The following LRRC8B variants were observed in gnomAD, a reference collection of about 807,000 sequenced individuals.
The protein encoded by LRRC8B is leucine rich repeat containing 8 VRAC subunit B.
In LRRC8B, 23 loss-of-function variants were observed where a neutral mutation model predicts 58.8. That is an observed-to-expected ratio of 0.39 (90% CI 0.28 to 0.55). The LOEUF is 0.55. LRRC8B is among the 20% of genes least tolerant of loss of function. The pLI, the probability that LRRC8B is intolerant of heterozygous loss-of-function variation, is 0.62. For synonymous variants in LRRC8B, 359 were observed against 374.1 expected (o/e 0.96, Z 0.47); for missense variants, 694 against 936.0 (o/e 0.74, Z 3.37).
chr1:89,595,977 T>G lies in LRRC8B; in HGVS notation c.*2934T>G, dbSNP rs537854510. On this transcript the variant is annotated 3_prime_UTR_variant, in exon 6 of 6. Transcript: ENST00000330947. ...TAGCTTACGGTAGTAATGGCATGGA[T>G]TAATTTTATTTGCATGCACACACAG... 6.6e-6 allele frequency: 1 copy of G among 152,264 alleles called. No homozygotes were observed. The highest frequency in any genetic ancestry group is 6.5e-5 in the Admixed American group (1 of 15,298). 9.4% of individuals were successfully genotyped at this position (152,264 alleles called of 1,614,324 possible).
chr1:89,570,713 TTTAA>T (rs1460467604), intron 3 of LRRC8B, among the ~76,000 whole-genome samples: 1 of 152,224 alleles, frequency 6.6e-6, no homozygotes, highest in Non-Finnish European at 1.5e-5. Context: ...AGCTCTTTAG[TTTAA>T]TTAGATCCAT....
At chr1:89,588,528 G>A (rs1214862979) in intron 5 of LRRC8B, among the ~76,000 whole-genome samples, 2 of 152,172 alleles carry the variant, frequency 1.3e-5, no homozygotes, top group Non-Finnish European at 2.9e-5. Flanking sequence ...AATATAATAA[G>A]AGATGAGACC....
At chr1:89,572,102 C>T (rs962279292) in intron 3 of LRRC8B, among the ~76,000 whole-genome samples, 3 of 152,036 alleles carry the variant, frequency 2.0e-5, no homozygotes, top group Admixed American at 1.3e-4. Flanking sequence ...GCTTATGAAG[C>T]TTCATTTGGC....
At chr1:89,587,350 A>G (rs573941879) in intron 5 of LRRC8B, among the ~76,000 whole-genome samples, 6 of 152,256 alleles carry the variant, frequency 3.9e-5, no homozygotes, top group African/African-American at 1.4e-4. Flanking sequence ...CCTGGCCAAT[A>G]TGGTGAAACC....
intron 1 of LRRC8B, among the ~76,000 whole-genome samples, chr1:89,561,016 G>C (rs769751941): frequency 0.056 from 8,285 of 149,276 alleles, 219 homozygotes; most frequent in African/African-American, 0.083. Context: ...GTGTAAAAGT[G>C]TTCCTATTTC....
chr1:89,582,942 C>T lies in LRRC8B; in HGVS notation c.292C>T (p.His98Tyr). The T allele has an allele frequency of 6.2e-7, 1 of 1,614,210 alleles. No individual in the cohort carries two copies. The highest frequency in any genetic ancestry group is 8.5e-7 in the Non-Finnish European group (1 of 1,180,042). Residue 98 changes from histidine to tyrosine, a missense_variant, in exon 5 of 6, where the codon CAC becomes TAC. His to Tyr is a moderately conservative substitution (Grantham distance 83, BLOSUM62 2). Coordinates refer to ENST00000330947, the MANE Select transcript of LRRC8B (RefSeq NM_001369817.2). ...PLPLRIQNDL[H>Y]RQQYSYIDAV... is the part of the protein sequence containing the mutation. Reference sequence around the variant, plus strand: ...CCCCCTCCGAATTCAGAATGACCTCCACCGACAGCAGTACTCCTATATTGA... The same window carrying T: ...CCCCCTCCGAATTCAGAATGACCTCTACCGACAGCAGTACTCCTATATTGA...
At chr1:89,587,809 A>G (rs1369669456) in intron 5 of LRRC8B, 2 of 152,300 alleles carry the variant, frequency 1.3e-5, no homozygotes, top group Non-Finnish European at 2.9e-5. Flanking sequence ...TTGGAAAACA[A>G]TCAGGCACAA....
chr1:89,535,141 G>T (rs12745246), intron 1 of LRRC8B, among the ~76,000 whole-genome samples: 28,384 of 152,012 alleles, frequency 0.19, 3,080 homozygotes, highest in Admixed American at 0.3. Context: ...TATGTATTTT[G>T]AAGGAGGTCC....
chr1:89,595,425 T>A lies in LRRC8B; in HGVS notation c.*2382T>A, dbSNP rs1188398309. ...TTTTGGCCACATAACTAGCTAGAATTTCAAAACAAAATTCAGATTTGCTAC... is the reference window on the plus strand; with the variant it reads ...TTTTGGCCACATAACTAGCTAGAATATCAAAACAAAATTCAGATTTGCTAC... On this transcript the variant is annotated 3_prime_UTR_variant, in exon 6 of 6. Coordinates refer to ENST00000330947, the MANE Select transcript of LRRC8B (RefSeq NM_001369817.2). 1 of 152,122 alleles carries A rather than the reference T, an allele frequency of 6.6e-6. No homozygotes were observed. The highest frequency in any genetic ancestry group is 1.5e-5 in the Non-Finnish European group (1 of 67,968). The allele number at this position is 152,122 out of a possible 1,614,324, so 9.4% of individuals were successfully genotyped here.
chr1:89,574,162 C>T (rs1273760817), intron 3 of LRRC8B, among the ~76,000 whole-genome samples: 1 of 152,242 alleles, frequency 6.6e-6, no homozygotes, highest in Non-Finnish European at 1.5e-5. Context: ...AGTGTTGTGA[C>T]TTGAGGCACT....
At chr1:89,555,948 T>C (rs567003454) in intron 1 of LRRC8B, among the ~76,000 whole-genome samples, 1 of 152,208 alleles carries the variant, frequency 6.6e-6, no homozygotes, top group African/African-American at 2.4e-5. Flanking sequence ...TTGTTATTCA[T>C]AGCGAGCCCC....
intron 1 of LRRC8B, among the ~76,000 whole-genome samples, chr1:89,544,948 A>G (rs1302086137): frequency 2.0e-5 from 3 of 152,250 alleles, no homozygotes; most frequent in Non-Finnish European, 4.4e-5. Flanking sequence ...AGAGGAAATC[A>G]GATGTTGAAT....
chr1:89,584,621 C>G lies in LRRC8B; in HGVS notation c.1971C>G (p.Asn657Lys). The change falls in exon 5 of 6, where the codon AAC becomes AAG. Residue 657 changes from asparagine (N) to lysine (K), a missense_variant. Transcript: ENST00000330947. ...CTGCACAGATTGGGGCATTATCTAA[C>G]CTAGAGCAGCTCTCTTTGGACCATA... ...YIPAQIGALS[N>K]LEQLSLDHNN... 1.2e-6 allele frequency: 2 copies of G among 1,614,104 alleles called. No individual in the cohort carries two copies. Among genetic ancestry groups the G allele is most frequent in the Non-Finnish European group, 1.7e-6 (2 of 1,180,020 alleles).
intron 1 of LRRC8B, among the ~76,000 whole-genome samples, chr1:89,543,835 T>A (rs1025690436): frequency 6.6e-6 from 1 of 151,880 alleles, no homozygotes; most frequent in Non-Finnish European, 1.5e-5. Context: ...TTGCCCAGGC[T>A]GGAGTCCAGT....
chr1:89,583,347 C>G lies in LRRC8B; in HGVS notation c.697C>G (p.Gln233Glu). The change falls in exon 5 of 6, where the codon CAG becomes GAG. Residue 233 changes from glutamine to glutamate, a missense_variant. Gln to Glu is a conservative substitution (Grantham distance 29). Transcript: ENST00000330947. The surrounding 1 kb of genome is among the most constrained non-coding windows in gnomAD (Gnocchi z 5.2). ...TGTCCTGGACAAGAAGGAGGGTGAA[C>G]AGGCCAAAGCCATCTTTGAAAAAGT... Reference protein sequence around the residue: ...SSVLDKKEGEQAKAIFEKVKR... With the variant: ...SSVLDKKEGEEAKAIFEKVKR... The G allele has an allele frequency of 6.2e-7, 1 of 1,614,156 alleles. No individual in the cohort carries two copies. Among genetic ancestry groups the G allele is most frequent in the South Asian group, 1.1e-5 (1 of 91,092 alleles).
intron 3 of LRRC8B, chr1:89,572,516 A>G (rs1007676140): frequency 2.0e-5 from 3 of 152,078 alleles, no homozygotes; most frequent in Non-Finnish European, 4.4e-5. Context: ...ATATAATCCC[A>G]TATTTCTTGG....
intron 1 of LRRC8B, among the ~76,000 whole-genome samples, chr1:89,555,568 C>T (rs1652123615): frequency 6.6e-6 from 1 of 152,090 alleles, no homozygotes; most frequent in Non-Finnish European, 1.5e-5. Flanking sequence ...AGAAATAAAC[C>T]TTTAATCAAA....
intron 1 of LRRC8B, among the ~76,000 whole-genome samples, chr1:89,526,083 C>A (rs1271091889): frequency 6.6e-6 from 1 of 152,238 alleles, no homozygotes; most frequent in Non-Finnish European, 1.5e-5. Flanking sequence ...TCAGATGGTT[C>A]TGTCCCCTAA....
chr1:89,550,114 TA>T (rs1220730148), intron 1 of LRRC8B: 1 of 152,198 alleles, frequency 6.6e-6, no homozygotes, highest in East Asian at 1.9e-4. Flanking sequence ...TTCTAAGGGA[TA>T]CCTAAGGAGC....
Sources: allele counts gnomAD v4.1 joint callset (sites outside exome capture counted in the v4.1 genomes callset), GRCh38; gene constraint gnomAD v4.1.1; non-coding constraint Gnocchi (gnomAD v3.1); transcripts MANE v1.5; gene names NCBI Gene and HGNC (gene_info 2026-07-23, HGNC 2026-07-21).